Variants in RAB3C observed in about 807,000 individuals in gnomAD.
The protein encoded by RAB3C is ras-related protein Rab-3C.
In RAB3C, 17 loss-of-function variants were observed where a neutral mutation model predicts 26.4. That is an observed-to-expected ratio of 0.64 (90% CI 0.44 to 0.97). The LOEUF is 0.97. Ranked by LOEUF, RAB3C falls within the 50% of genes least tolerant of loss-of-function variation. RAB3C has a pLI of 0.00. For missense variants in RAB3C, 242 were observed against 281.9 expected, an observed-to-expected ratio of 0.86 and a Z score of 1.01; for synonymous variants, 91 against 95.9, an observed-to-expected ratio of 0.95 and a Z score of 0.30.
At chr5:58,760,104 C>T (rs762768012) in intron 3 of RAB3C, among the ~76,000 whole-genome samples, 42 of 152,270 alleles carry the variant, frequency 2.8e-4, no homozygotes, top group Non-Finnish European at 4.4e-5. Context: ...GAGACCCTCC[C>T]ACTAAGGGAC....
intron 2 of RAB3C, among the ~76,000 whole-genome samples, chr5:58,708,254 TGCTA>T (rs952713869): frequency 7.9e-5 from 12 of 152,320 alleles, no homozygotes; most frequent in African/African-American, 2.9e-4. Context: ...GCTCCCAAAG[TGCTA>T]GGATTACAGG....
intron 2 of RAB3C, among the ~76,000 whole-genome samples, chr5:58,691,065 A>G (rs1748560465): frequency 6.6e-6 from 1 of 152,050 alleles, no homozygotes; most frequent in Non-Finnish European, 1.5e-5. Context: ...CACCAAAAAC[A>G]CATACATTAT....
At chr5:58,599,104 C>G (rs72760234) in intron 1 of RAB3C, among the ~76,000 whole-genome samples, 18,175 of 152,090 alleles carry the variant, frequency 0.12, 1,181 homozygotes, top group Admixed American at 0.16. Flanking sequence ...GAGCAAATAG[C>G]AGGGCTGGGA....
At chr5:58,772,562 T>C (rs1327944515) in intron 3 of RAB3C, among the ~76,000 whole-genome samples, 6 of 152,146 alleles carry the variant, frequency 3.9e-5, no homozygotes, top group Admixed American at 1.3e-4. Context: ...TTCTCCAAGG[T>C]TGAATAAATC....
chr5:58,792,355 C>T (rs934926628), intron 3 of RAB3C, among the ~76,000 whole-genome samples: 24 of 152,206 alleles, frequency 1.6e-4, no homozygotes, highest in African/African-American at 5.5e-4. Context: ...GGGGCAAAAC[C>T]TTTTCCTCAT....
chr5:58,718,727 T>C (rs1364191517), intron 2 of RAB3C, among the ~76,000 whole-genome samples: 2 of 152,064 alleles, frequency 1.3e-5, no homozygotes, highest in Non-Finnish European at 2.9e-5. Flanking sequence ...GGTTTATTAG[T>C]ACTCTTCTAA....
chr5:58,613,193 CACA>C (rs1427110528), intron 1 of RAB3C, among the ~76,000 whole-genome samples: 4 of 152,068 alleles, frequency 2.6e-5, no homozygotes, highest in Non-Finnish European at 5.9e-5. Context: ...TTTAAAATGA[CACA>C]ACAATTAAAT....
chr5:58,786,058 C>T (rs1486350657), intron 3 of RAB3C, among the ~76,000 whole-genome samples: 2 of 146,476 alleles, frequency 1.4e-5, no homozygotes, highest in Admixed American at 1.3e-4. Context: ...CCCAGTGAAG[C>T]TTCTGTCAGA....
intron 1 of RAB3C, among the ~76,000 whole-genome samples, chr5:58,604,355 G>A (rs897822299): frequency 2.6e-5 from 4 of 152,272 alleles, no homozygotes; most frequent in East Asian, 1.9e-4. Flanking sequence ...GGCGGTAGGC[G>A]GGGCCTTAGA....
chr5:58,673,577 A>G (rs1452739106), intron 2 of RAB3C, among the ~76,000 whole-genome samples: 2 of 152,120 alleles, frequency 1.3e-5, no homozygotes, highest in Non-Finnish European at 2.9e-5. Flanking sequence ...AAGACATCAT[A>G]CATTTTATAG....
intron 3 of RAB3C, chr5:58,784,644 T>C (rs1333198748): frequency 1.3e-5 from 2 of 152,192 alleles, no homozygotes; most frequent in African/African-American, 4.8e-5. Flanking sequence ...CCAAATATGT[T>C]TCCTAAGTAG....
intron 2 of RAB3C, among the ~76,000 whole-genome samples, chr5:58,672,226 C>G (rs963896530): frequency 1.5e-4 from 23 of 152,072 alleles, no homozygotes; most frequent in Non-Finnish European, 7.4e-5. Flanking sequence ...TGGAAGGACC[C>G]AAGAACTGCA....
At chr5:58,624,413 G>A (rs1446700296) in intron 2 of RAB3C, among the ~76,000 whole-genome samples, 1 of 152,180 alleles carries the variant, frequency 6.6e-6, no homozygotes, top group Non-Finnish European at 1.5e-5. Flanking sequence ...CTCCCATTTT[G>A]CCCCTGTTTG....
chr5:58,782,321 C>T (rs1487399848), intron 3 of RAB3C, among the ~76,000 whole-genome samples: 1 of 152,084 alleles, frequency 6.6e-6, no homozygotes, highest in Non-Finnish European at 1.5e-5. Context: ...TGGTATGATG[C>T]CTTAAACTCC....
chr5:58,828,740 T>C (rs371304129), intron 4 of RAB3C, among the ~76,000 whole-genome samples: 5 of 152,296 alleles, frequency 3.3e-5, no homozygotes, highest in African/African-American at 1.2e-4. Context: ...GTTTTTGAAG[T>C]TGAAGGCTAG....
At chr5:58,806,119 G>A (rs955164179) in intron 3 of RAB3C, among the ~76,000 whole-genome samples, 1 of 152,170 alleles carries the variant, frequency 6.6e-6, no homozygotes, top group Non-Finnish European at 1.5e-5. Context: ...AGTGAAGGGT[G>A]CTGACATTGA....
chr5:58,595,571 C>A (rs1407530276), intron 1 of RAB3C, among the ~76,000 whole-genome samples: 3 of 152,072 alleles, frequency 2.0e-5, no homozygotes, highest in East Asian at 3.9e-4. Context: ...TTTGTTAATC[C>A]AGTGATTTCT....
intron 3 of RAB3C, among the ~76,000 whole-genome samples, chr5:58,737,085 T>C (rs1348625397): frequency 1.3e-5 from 2 of 152,042 alleles, no homozygotes; most frequent in Non-Finnish European, 2.9e-5. Flanking sequence ...TCTACCCTCG[T>C]CTTCTGCTGC....
At chr5:58,813,633 T>TATAC (rs1175890816) in intron 3 of RAB3C, among the ~76,000 whole-genome samples, 115 of 17,156 alleles carry the variant, frequency 6.7e-3, no homozygotes, top group African/African-American at 0.013. Context: ...TATATATATA[T>TATAC]ACACACACAC....
Sources: allele counts gnomAD v4.1 joint callset (sites outside exome capture counted in the v4.1 genomes callset), GRCh38; gene constraint gnomAD v4.1.1; transcripts MANE v1.5; gene names NCBI Gene and HGNC (gene_info 2026-07-23, HGNC 2026-07-21).